The following PDE4D variants were observed in gnomAD, a reference collection of about 807,000 sequenced individuals.
The protein encoded by PDE4D is phosphodiesterase 4D, also known as 3',5'-cyclic-AMP phosphodiesterase 4D.
Under a neutral mutation model 87.4 loss-of-function variants are expected in PDE4D, and 24 were observed. The ratio of observed to expected loss-of-function variants is 0.27; its 90% confidence interval spans 0.20 to 0.39. PDE4D has a LOEUF of 0.39. PDE4D is among the 10% of genes least tolerant of loss of function. The pLI, the probability that PDE4D is intolerant of heterozygous loss-of-function variation, is 1.00. For missense variants in PDE4D, 714 were observed against 1,041.0 expected (o/e 0.69, Z 4.32); for synonymous variants, 384 against 383.2 (o/e 1.00, Z -0.02).
chr5:59,336,784 C>A (rs1004387050), intron 1 of PDE4D, among the ~76,000 whole-genome samples: 2 of 152,106 alleles, frequency 1.3e-5, no homozygotes, highest in East Asian at 3.9e-4. Flanking sequence ...CTTTCTTCTA[C>A]GGCCTTCTCC....
intron 1 of PDE4D, among the ~76,000 whole-genome samples, chr5:59,530,238 C>A (rs1813956236): frequency 1.3e-5 from 2 of 152,014 alleles, no homozygotes; most frequent in African/African-American, 4.8e-5. Context: ...TTCTGTTTTC[C>A]TTTCTTTGAA....
At chr5:59,192,422 G>A (rs964997219) in intron 3 of PDE4D, among the ~76,000 whole-genome samples, 4 of 152,104 alleles carry the variant, frequency 2.6e-5, no homozygotes, top group Admixed American at 2.6e-4. Context: ...AAGAGACCAG[G>A]CTTGGAAAAG....
intron 2 of PDE4D, among the ~76,000 whole-genome samples, chr5:60,055,017 A>C (rs1770620985): frequency 6.6e-6 from 1 of 152,100 alleles, no homozygotes. Context: ...AGGAGAAGAA[A>C]TAAAAAAAAG....
chr5:59,338,498 A>T (rs1025606124), intron 1 of PDE4D, among the ~76,000 whole-genome samples: 2 of 152,236 alleles, frequency 1.3e-5, no homozygotes, highest in African/African-American at 4.8e-5. Flanking sequence ...TGTCCAGTCT[A>T]AAGCAGCAGG....
rs1277313876 is a variant in PDE4D at position 59,771,505 on chromosome 5, A to AGAAAGAAAG, written c.455+121654_455+121662dup. Among the ~76,000 whole-genome samples the AGAAAGAAAG allele has an allele frequency of 4.8e-4, 66 of 137,854 alleles. 1 individual carries two copies. The highest frequency in any genetic ancestry group is 9.0e-4 in the Non-Finnish European group (58 of 64,798). The allele number at this position is 137,854 out of a possible 152,430, so 90.4% of individuals were successfully genotyped here. A position where few individuals can be genotyped will look rare whatever the true frequency, so the allele number is the denominator to read the frequency against. On this transcript the variant is annotated intron_variant, in intron 1 of 14. Transcript: ENST00000340635. ...AGAAAGAGAGAGAGAGAGAGAAGAAAGAAAGAAAGAAAGAAAGAAAGAAAG... is the reference window on the plus strand; with the variant it reads ...AGAAAGAGAGAGAGAGAGAGAAGAAAGAAAGAAAGGAAAGAAAGAAAGAAAGAAAGAAAG...
chr5:60,399,039 AGG>A (rs913389438), intron 1 of PDE4D, among the ~76,000 whole-genome samples: 1 of 152,208 alleles, frequency 6.6e-6, no homozygotes, highest in Non-Finnish European at 1.5e-5. Flanking sequence ...TTATTTATAG[AGG>A]AGGAAAAGCC....
intron 5 of PDE4D, among the ~76,000 whole-genome samples, chr5:59,059,880 A>G (rs1216868818): frequency 6.6e-6 from 1 of 152,174 alleles, no homozygotes; most frequent in African/African-American, 2.4e-5. Context: ...AGAGACTGCT[A>G]AATGTCCCCT....
chr5:59,965,688 T>C (rs1759964550), intron 3 of PDE4D, among the ~76,000 whole-genome samples: 1 of 152,210 alleles, frequency 6.6e-6, no homozygotes, highest in South Asian at 2.1e-4. Flanking sequence ...TTTAATACTT[T>C]ACAAGCTTAA....
At chr5:60,170,463 T>C (rs1783316044) in intron 2 of PDE4D, among the ~76,000 whole-genome samples, 1 of 151,958 alleles carries the variant, frequency 6.6e-6, no homozygotes, top group Admixed American at 6.6e-5. Context: ...GCCTCTCCAT[T>C]ACCTGATAAA....
At chr5:59,384,422 C>A (rs532124090) in intron 1 of PDE4D, among the ~76,000 whole-genome samples, 2 of 152,234 alleles carry the variant, frequency 1.3e-5, no homozygotes, top group East Asian at 3.9e-4. Flanking sequence ...CTTTCTCCTT[C>A]TGCCAGAAGG....
rs151127088 is a variant in PDE4D at position 59,215,029 on chromosome 5, G to A, written c.647+748C>T. 2.8e-3 allele frequency among the ~76,000 whole-genome samples: 421 copies of A among 152,276 alleles called. 1 individual carries two copies. The highest frequency in any genetic ancestry group is 9.8e-3 in the African/African-American group (408 of 41,562). On this transcript the variant is annotated intron_variant, in intron 2 of 14. Coordinates refer to ENST00000340635, the MANE Select transcript of PDE4D (RefSeq NM_001104631.2). ...AAGATGAAGATCGATTCTATACAGAGGCAGATGTGCCACGAATGATAGTAT... is the reference window on the plus strand; with the variant it reads ...AAGATGAAGATCGATTCTATACAGAAGCAGATGTGCCACGAATGATAGTAT...
chr5:59,118,046 G>A (rs1773901087), intron 5 of PDE4D, among the ~76,000 whole-genome samples: 1 of 152,176 alleles, frequency 6.6e-6, no homozygotes, highest in South Asian at 2.1e-4. Flanking sequence ...ACATTAAAGT[G>A]TAGGCTCCAT....
chr5:59,391,020 C>T (rs754990807), intron 1 of PDE4D, among the ~76,000 whole-genome samples: 1 of 152,114 alleles, frequency 6.6e-6, no homozygotes, highest in African/African-American at 2.4e-5. Flanking sequence ...GAGTAGGTTG[C>T]ACTTCCCTAA....
chr5:59,574,119 AATATATATTTATATATATATATAT>A (rs1822618557), intron 1 of PDE4D, among the ~76,000 whole-genome samples: 3 of 2,636 alleles, frequency 1.1e-3, no homozygotes, highest in African/African-American at 2.4e-3. Flanking sequence ...TATATATATA[AATATATATTTATATATATATATAT>A]AAATATATAT....
At chr5:59,470,845 G>A (rs1582760305) in intron 1 of PDE4D, among the ~76,000 whole-genome samples, 1 of 152,000 alleles carries the variant, frequency 6.6e-6, no homozygotes, top group African/African-American at 2.4e-5. Context: ...TTTTCCTAAG[G>A]TGCTCCACTA....
At chr5:59,239,429 G>A (rs1300571247) in intron 1 of PDE4D, among the ~76,000 whole-genome samples, 2 of 152,112 alleles carry the variant, frequency 1.3e-5, no homozygotes, top group Non-Finnish European at 2.9e-5. Context: ...TTTTAGGTTG[G>A]TAGTTCACTG....
intron 1 of PDE4D, among the ~76,000 whole-genome samples, chr5:59,429,302 C>T (rs1419172306): frequency 6.6e-6 from 1 of 152,078 alleles, no homozygotes; most frequent in Non-Finnish European, 1.5e-5. Flanking sequence ...GCTAGCCGGT[C>T]ATAAAGTCAA....
intron 1 of PDE4D, among the ~76,000 whole-genome samples, chr5:60,336,180 C>T (rs894697748): frequency 2.0e-5 from 3 of 152,174 alleles, no homozygotes; most frequent in African/African-American, 7.2e-5. Context: ...AAACAGTGGA[C>T]TTGCCAAAAG....
At chr5:59,022,325 C>G (rs900172185) in intron 6 of PDE4D, among the ~76,000 whole-genome samples, 4 of 152,128 alleles carry the variant, frequency 2.6e-5, no homozygotes, top group Admixed American at 6.5e-5. Flanking sequence ...CCCTCCTTCT[C>G]CCACTCTTCT....
Sources: gnomAD v4.1 joint callset for allele counts (sites outside exome capture counted in the v4.1 genomes callset) on GRCh38, gnomAD v4.1.1 for gene constraint, MANE v1.5 for transcripts, NCBI Gene and HGNC (gene_info 2026-07-23, HGNC 2026-07-21) for gene names.